Variants in OTUD7B observed in about 807,000 individuals in gnomAD.
OTUD7B encodes the protein OTU deubiquitinase 7B, also known as OTU domain-containing protein 7B.
Under a neutral mutation model 82.2 loss-of-function variants are expected in OTUD7B, and 34 were observed. The observed-to-expected ratio is 0.41, with a 90% CI of 0.31 to 0.55. The LOEUF is 0.55. Among genes scored for constraint, OTUD7B ranks in the 20% least tolerant of loss-of-function variants. The pLI is 0.20. For synonymous variants in OTUD7B, 398 were observed against 402.7 expected (o/e 0.99, Z 0.14); for missense variants, 944 against 1,062.1 (o/e 0.89, Z 1.55).
intron 1 of OTUD7B, among the ~76,000 whole-genome samples, chr1:150,001,099 G>T (rs1652253695): frequency 6.6e-6 from 1 of 152,134 alleles, no homozygotes. Context: ...GAAAGAGGAA[G>T]GAGGAAAGGA....
At chr1:150,001,795 G>A (rs903001299) in intron 1 of OTUD7B, among the ~76,000 whole-genome samples, 2 of 152,168 alleles carry the variant, frequency 1.3e-5, no homozygotes, top group African/African-American at 4.8e-5. Context: ...TGCTGACAGA[G>A]CCCAGAGAAA....
At chr1:150,064,441 G>C in the OTUD7B span, among the ~76,000 whole-genome samples, 1 of 151,880 alleles carries the variant, frequency 6.6e-6, no homozygotes, top group Admixed American at 6.6e-5. Flanking sequence ...GCATGAACAT[G>C]GCTCACTGCA....
At chr1:150,024,455 T>C in the OTUD7B span, among the ~76,000 whole-genome samples, 3 of 152,156 alleles carry the variant, frequency 2.0e-5, no homozygotes, top group Non-Finnish European at 2.9e-5. Flanking sequence ...TAGAAACAGA[T>C]GGCTTGATGA....
At chr1:149,963,618 T>G (rs1193087453) in intron 6 of OTUD7B, 1 of 151,504 alleles carries the variant, frequency 6.6e-6, no homozygotes, top group South Asian at 2.1e-4. Flanking sequence ...AGAGGGCAAG[T>G]ACAAACAATC....
At chr1:149,968,944 T>C (rs1649710432) in intron 3 of OTUD7B, among the ~76,000 whole-genome samples, 1 of 152,056 alleles carries the variant, frequency 6.6e-6, no homozygotes, top group Admixed American at 6.5e-5. Context: ...CTCAAACTCC[T>C]GGCCTCAGGT....
chr1:150,028,594 G>C, the OTUD7B span, among the ~76,000 whole-genome samples: 1 of 152,116 alleles, frequency 6.6e-6, no homozygotes, highest in Admixed American at 6.6e-5. Context: ...TAAACAATAA[G>C]TCTCCATTCT....
rs75232689 is a variant in OTUD7B at position 149,939,084 on chromosome 1, T to A, written c.*4773A>T. 135 of 152,172 alleles carry A rather than the reference T, an allele frequency of 8.9e-4. No individual in the cohort carries two copies. The East Asian group carries it at 0.018, about 21-fold the overall frequency. 9.4% of individuals were successfully genotyped at this position (152,172 alleles called of 1,614,324 possible). A position where few individuals can be genotyped will look rare whatever the true frequency, so the allele number is the denominator to read the frequency against. Reference sequence around the variant, plus strand: ...CCCCACACACCCCCAGTAGAAGCACTAGATGAAGGGAAGGGTGGAGAGGCA... The same window carrying A: ...CCCCACACACCCCCAGTAGAAGCACAAGATGAAGGGAAGGGTGGAGAGGCA... On this transcript the variant is annotated 3_prime_UTR_variant, in exon 12 of 12. Transcript: ENST00000581312.
Position 149,959,740 on chromosome 1 carries a change from C to T in OTUD7B, c.789G>A (p.Lys263=). Residue 263 remains lysine, a synonymous_variant, in exon 7 of 12, where the codon AAG becomes AAA. Transcript: ENST00000581312. The part of the protein sequence containing the change: ...EWQKEWNELI[K]LASSEPRMHL... ...GCATTCGGGGTTCACTTGAGGCAAG[C>T]TTGATCAGTTCATTCCACTCCTTCT... 1.9e-6 allele frequency: 3 copies of T among 1,614,094 alleles called. No homozygotes were observed. Among genetic ancestry groups the T allele is most frequent in the Non-Finnish European group, 2.5e-6 (3 of 1,179,986 alleles).
At chr1:149,965,631 C>T in intron 5 of OTUD7B, 146 bp downstream of exon 5, 1 of 628,838 alleles carries the variant, frequency 1.6e-6, no homozygotes, top group Non-Finnish European at 2.9e-6. Flanking sequence ...CATAAACACA[C>T]AGACACACAC....
chr1:149,992,686 G>T (rs1651675127), intron 1 of OTUD7B, among the ~76,000 whole-genome samples: 1 of 151,714 alleles, frequency 6.6e-6, no homozygotes, highest in Admixed American at 6.6e-5. Context: ...TGGCCAGGCT[G>T]GTCTCAAACT....
At chr1:150,065,202 G>C in the OTUD7B span, among the ~76,000 whole-genome samples, 1 of 152,000 alleles carries the variant, frequency 6.6e-6, no homozygotes, top group East Asian at 1.9e-4. Context: ...CTCCCAAGTA[G>C]CTGGGACTGG....
At chr1:150,027,586 CA>C in the OTUD7B span, among the ~76,000 whole-genome samples, 1 of 151,992 alleles carries the variant, frequency 6.6e-6, no homozygotes, top group Non-Finnish European at 1.5e-5. Context: ...GACTCCATCT[CA>C]AAAAATAAAT....
At chr1:150,014,084 G>GTGTGTATATATA (rs1336267152), upstream of OTUD7B, among the ~76,000 whole-genome samples, 1 of 30,404 alleles carries the variant, frequency 3.3e-5, no homozygotes, top group African/African-American at 8.3e-5. Context: ...GTGTGTGTGT[G>GTGTGTATATATA]TATATATATA....
the OTUD7B span, among the ~76,000 whole-genome samples, chr1:150,066,023 A>G: frequency 1.3e-5 from 2 of 152,314 alleles, no homozygotes; most frequent in South Asian, 4.1e-4. This position sits in a 1 kb window ranked among gnomAD's most constrained non-coding sequence, Gnocchi z 4.6. Flanking sequence ...CTTTCCATCT[A>G]TTGCTTACAG....
At chr1:150,010,041 T>A (rs1257114993) in intron 1 of OTUD7B, among the ~76,000 whole-genome samples, 4 of 152,112 alleles carry the variant, frequency 2.6e-5, no homozygotes, top group African/African-American at 9.7e-5. Context: ...TAAGCTTATT[T>A]GCTTTTCATT....
chr1:150,034,155 T>C, the OTUD7B span, among the ~76,000 whole-genome samples: 1 of 152,198 alleles, frequency 6.6e-6, no homozygotes, highest in Non-Finnish European at 1.5e-5. Context: ...ACCATGACAT[T>C]AGAATGTCTC....
intron 1 of OTUD7B, among the ~76,000 whole-genome samples, chr1:149,979,386 C>G (rs1238114522): frequency 6.6e-6 from 1 of 152,138 alleles, no homozygotes; most frequent in Non-Finnish European, 1.5e-5. Flanking sequence ...CTACATACAC[C>G]TATATGTATT....
the OTUD7B span, chr1:150,054,564 T>C: frequency 1.6e-5 from 7 of 425,136 alleles, no homozygotes; most frequent in Non-Finnish European, 3.2e-5. Flanking sequence ...TCCCAGCACT[T>C]TGGGAGGCCA....
the OTUD7B span, among the ~76,000 whole-genome samples, chr1:150,056,359 C>T: frequency 2.0e-5 from 3 of 152,048 alleles, no homozygotes. Context: ...TAAAATTCAT[C>T]TCATGAATTG....
Sources: gnomAD v4.1 joint callset for allele counts (sites outside exome capture counted in the v4.1 genomes callset) on GRCh38, gnomAD v4.1.1 for gene constraint, Gnocchi (gnomAD v3.1) non-coding constraint, MANE v1.5 for transcripts, NCBI Gene and HGNC (gene_info 2026-07-23, HGNC 2026-07-21) for gene names.